The following RALGAPA2 variants were observed in gnomAD, a reference collection of about 807,000 sequenced individuals.
RALGAPA2 encodes the protein Ral GTPase activating protein catalytic subunit alpha 2, also known as ral GTPase-activating protein subunit alpha-2.
In RALGAPA2, 139 loss-of-function variants were observed where a neutral mutation model predicts 230.4. The ratio of observed to expected loss-of-function variants is 0.60; its 90% CI spans 0.53 to 0.69. The LOEUF is 0.69. Ranked by LOEUF, RALGAPA2 falls within the 30% of genes least tolerant of loss-of-function variation. The probability of loss-of-function intolerance (pLI) is 0.00; values close to 1 mark genes in which losing one functional copy is unlikely to be tolerated. For synonymous variants in RALGAPA2, 847 were observed against 837.8 expected, an observed-to-expected ratio of 1.01 and a Z score of -0.19; for missense variants, 2,163 against 2,276.0, an observed-to-expected ratio of 0.95 and a Z score of 1.01.
chr20:20,649,928 T>C (rs1399243142), intron 4 of RALGAPA2, among the ~76,000 whole-genome samples: 1 of 152,214 alleles, frequency 6.6e-6, no homozygotes, highest in Non-Finnish European at 1.5e-5. Context: ...TTATCCACCA[T>C]GATTTACTGG....
intron 6 of RALGAPA2, 136 bp downstream of exon 6, chr20:20,640,565 T>C (rs2146506204): frequency 4.8e-6 from 4 of 832,086 alleles, no homozygotes; most frequent in Non-Finnish European, 7.4e-6. Flanking sequence ...TGTAAGAATC[T>C]ACAGTGAATA....
intron 35 of RALGAPA2, among the ~76,000 whole-genome samples, chr20:20,496,431 A>C (rs1422855092): frequency 6.6e-6 from 1 of 152,190 alleles, no homozygotes; most frequent in Non-Finnish European, 1.5e-5. Flanking sequence ...ATGTTGGCCA[A>C]AATTGAAGTT....
intron 37 of RALGAPA2, among the ~76,000 whole-genome samples, chr20:20,425,247 A>G (rs1035910079): frequency 2.6e-5 from 4 of 152,218 alleles, no homozygotes; most frequent in African/African-American, 9.6e-5. Context: ...TCTTAGGCCC[A>G]CGTGAAATCA....
At chr20:20,546,359 A>G (rs896726057) in intron 24 of RALGAPA2, among the ~76,000 whole-genome samples, 13 of 152,216 alleles carry the variant, frequency 8.5e-5, no homozygotes, top group Admixed American at 6.5e-4. Flanking sequence ...GCTAATGTAC[A>G]TTTTAAAACT....
At chr20:20,417,921 G>A (rs1047129073) in intron 37 of RALGAPA2, among the ~76,000 whole-genome samples, 6 of 152,196 alleles carry the variant, frequency 3.9e-5, no homozygotes, top group South Asian at 2.1e-4. Flanking sequence ...AGAAAACTGC[G>A]TGATAAAAAC....
chr20:20,682,638 C>A (rs1266479109), intron 1 of RALGAPA2, among the ~76,000 whole-genome samples: 1 of 152,182 alleles, frequency 6.6e-6, no homozygotes, highest in African/African-American at 2.4e-5. Context: ...TGACTTAATT[C>A]TGATGGAATA....
rs1159950702 is a variant in RALGAPA2 at position 20,550,546 on chromosome 20, T to C, written c.3157-3714A>G. Among the ~76,000 whole-genome samples, 7 of 152,302 alleles carry C rather than the reference T, an allele frequency of 4.6e-5. No individual in the cohort carries two copies. The East Asian group carries it at 1.4e-3, about 29-fold the overall frequency. On this transcript the variant is annotated intron_variant, in intron 23 of 39. Coordinates refer to ENST00000202677, the MANE Select transcript of RALGAPA2 (RefSeq NM_020343.4). ...GCAGAGAGGAGGAAAGGGGCCATCC[T>C]TTCTACTGTGTGATTCAATGCTATT... is the stretch of plus-strand genomic sequence containing the variant.
chr20:20,479,471 A>G (rs1173439219), intron 36 of RALGAPA2, among the ~76,000 whole-genome samples: 3 of 152,192 alleles, frequency 2.0e-5, no homozygotes, highest in Non-Finnish European at 2.9e-5. Flanking sequence ...CAAGAATACA[A>G]TTTTCAGTAA....
intron 39 of RALGAPA2, among the ~76,000 whole-genome samples, chr20:20,394,467 G>A (rs1284935293): frequency 2.0e-5 from 3 of 152,216 alleles, no homozygotes; most frequent in East Asian, 1.9e-4. Flanking sequence ...GTGAAACCCC[G>A]TCTCTACAAA....
At chr20:20,589,452 T>A in intron 17 of RALGAPA2, 87 bp from the exon 18 acceptor site, 1 of 1,331,464 alleles carries the variant, frequency 7.5e-7, no homozygotes, top group Non-Finnish European at 1.0e-6. Context: ...TATAGGTAAC[T>A]ATTAAATTTA....
rs1253822757 is a variant in RALGAPA2 at position 20,458,707 on chromosome 20, C to G, written c.5495+14122G>C. Reference sequence around the variant, plus strand: ...ATATAGACCTATATATATATACACACACACACCTATATATATATATACACA... The same window carrying G: ...ATATAGACCTATATATATATACACAGACACACCTATATATATATATACACA... On this transcript the variant is annotated intron_variant, in intron 37 of 39. Transcript: ENST00000202677. Among the ~76,000 whole-genome samples the G allele has an allele frequency of 4.1e-5, 5 of 121,156 alleles. 1 individual carries two copies. Among genetic ancestry groups the G allele is most frequent in the African/African-American group, 1.3e-4 (4 of 31,634 alleles). The allele number at this position is 121,156 out of a possible 152,430, so 79.5% of individuals were successfully genotyped here.
At chr20:20,456,213 A>G (rs2061115346) in intron 37 of RALGAPA2, among the ~76,000 whole-genome samples, 1 of 152,258 alleles carries the variant, frequency 6.6e-6, no homozygotes, top group Admixed American at 6.5e-5. Context: ...CCTAATTAGA[A>G]ATTCCTTAAA....
intron 37 of RALGAPA2, chr20:20,471,711 T>A (rs2061545569): frequency 6.6e-6 from 1 of 152,176 alleles, no homozygotes; most frequent in Non-Finnish European, 1.5e-5. Flanking sequence ...AAGGGAATAA[T>A]CCTGCCCTGG....
chr20:20,400,364 C>G (rs73901536), intron 38 of RALGAPA2, among the ~76,000 whole-genome samples: 4,437 of 152,218 alleles, frequency 0.029, 197 homozygotes, highest in African/African-American at 0.099. Context: ...AAAGCTGGGA[C>G]AGCTGGACAG....
chr20:20,641,405 A>G (rs910386366), intron 5 of RALGAPA2, among the ~76,000 whole-genome samples: 15 of 152,222 alleles, frequency 9.9e-5, no homozygotes, highest in African/African-American at 3.1e-4. Flanking sequence ...CCATGTTGAT[A>G]ATGTTCTTGA....
rs181327969 is a variant in RALGAPA2 at position 20,453,543 on chromosome 20, T to C, written c.5495+19286A>G. ...AGGTTTACCAAAGGCTCTTTTCCGC[T>C]GAAAGTCGTTTACTTTTTCTGAATG... On this transcript the variant is annotated intron_variant, in intron 37 of 39. Coordinates refer to ENST00000202677, the MANE Select transcript of RALGAPA2 (RefSeq NM_020343.4). Among the ~76,000 whole-genome samples, 991 of 152,166 alleles carry C rather than the reference T, an allele frequency of 6.5e-3. 4 individuals are homozygous for C. Among genetic ancestry groups the C allele is most frequent in the Middle Eastern group, 0.014 (4 of 294 alleles).
Position 20,437,978 on chromosome 20 carries a change from T to C in RALGAPA2, c.5496-25830A>G, listed in dbSNP as rs1330064027. On this transcript the variant is annotated intron_variant, in intron 37 of 39. Transcript: ENST00000202677. The surrounding 1 kb of genome is among the most constrained non-coding windows in gnomAD (Gnocchi z 4.1). ...GTTCCAGTGGATCCTGACTCCGTGG[T>C]TCTTATGAATCCCGCAAAGAGTGGT... Among the ~76,000 whole-genome samples the C allele has an allele frequency of 6.6e-6, 1 of 151,844 alleles. No individual in the cohort carries two copies. The highest frequency in any genetic ancestry group is 1.5e-5 in the Non-Finnish European group (1 of 68,026).
chr20:20,597,331 T>C lies in RALGAPA2; in HGVS notation c.2203+4351A>G, dbSNP rs530714381. ...CAGTTAAAACTCAACAGTAATGTAA[T>C]TGACTAGTGACCATTTTCCCATGTA... On this transcript the variant is annotated intron_variant, in intron 16 of 39. Coordinates refer to ENST00000202677, the MANE Select transcript of RALGAPA2 (RefSeq NM_020343.4). Among the ~76,000 whole-genome samples, 15 of 152,350 alleles carry C rather than the reference T, an allele frequency of 9.8e-5. No individual in the cohort carries two copies. The South Asian group carries it at 2.3e-3, about 23-fold the overall frequency.
At chr20:20,403,160 A>C in intron 38 of RALGAPA2, among the ~76,000 whole-genome samples, 1 of 150,180 alleles carries the variant, frequency 6.7e-6, no homozygotes, top group African/African-American at 2.5e-5. Context: ...TCTCCTCAGT[A>C]CTCTTCAGCT....
Sources: gnomAD v4.1 joint callset for allele counts (sites outside exome capture counted in the v4.1 genomes callset) on GRCh38, gnomAD v4.1.1 for gene constraint, Gnocchi (gnomAD v3.1) non-coding constraint, MANE v1.5 for transcripts, NCBI Gene and HGNC (gene_info 2026-07-23, HGNC 2026-07-21) for gene names.